RFT1: variants seen among roughly 807,000 people sequenced by gnomAD.
The protein encoded by RFT1 is man(5)GlcNAc(2)-PP-dolichol translocation protein RFT1.
Under a neutral mutation model 62.2 loss-of-function variants are expected in RFT1, and 43 were observed. The observed-to-expected ratio is 0.69, with a 90% CI of 0.54 to 0.89. The LOEUF (loss-of-function observed/expected upper bound fraction) is 0.89. RFT1 is among the 40% of genes least tolerant of loss of function. The pLI is 0.00. For synonymous variants in RFT1, 262 were observed against 264.6 expected, an observed-to-expected ratio of 0.99 and a Z score of 0.10; for missense variants, 605 against 649.9, an observed-to-expected ratio of 0.93 and a Z score of 0.75.
At chr3:53,092,860 C>T (rs1217039018) in intron 11 of RFT1, among the ~76,000 whole-genome samples, 6 of 152,130 alleles carry the variant, frequency 3.9e-5, no homozygotes, top group Non-Finnish European at 8.8e-5. Flanking sequence ...GTTAGTTAAG[C>T]GATACTTTGT....
chr3:53,098,170 C>G (rs1239539644), intron 11 of RFT1, among the ~76,000 whole-genome samples: 3 of 152,228 alleles, frequency 2.0e-5, no homozygotes, highest in Non-Finnish European at 1.5e-5. Context: ...TCTGGGCCAG[C>G]AGTTTCCAAA....
At chr3:53,129,946 A>G (rs888414048) in intron 1 of RFT1, among the ~76,000 whole-genome samples, 1 of 152,192 alleles carries the variant, frequency 6.6e-6, no homozygotes, top group East Asian at 1.9e-4. Context: ...GACTCTCGGA[A>G]CTCAGTGGGA....
At chr3:53,110,826 A>C (rs1575493605) in intron 7 of RFT1, among the ~76,000 whole-genome samples, 1 of 152,218 alleles carries the variant, frequency 6.6e-6, no homozygotes, top group Non-Finnish European at 1.5e-5. Context: ...ATATATATGA[A>C]GAGAGAAACT....
chr3:53,109,648 A>C (rs1341734902), intron 7 of RFT1, among the ~76,000 whole-genome samples: 1 of 152,066 alleles, frequency 6.6e-6, no homozygotes, highest in Non-Finnish European at 1.5e-5. Context: ...TGTCTCTACA[A>C]AAAAATTAAA....
the RFT1 span, among the ~76,000 whole-genome samples, chr3:53,076,103 C>T: frequency 6.6e-6 from 1 of 152,330 alleles, no homozygotes; most frequent in African/African-American, 2.4e-5. Flanking sequence ...AGGCCCCTGC[C>T]CCACACTGCA....
At chr3:53,126,061 G>T in intron 1 of RFT1, 67 bp from the exon 2 acceptor site, 1 of 1,265,818 alleles carries the variant, frequency 7.9e-7, no homozygotes, top group Non-Finnish European at 1.1e-6. Flanking sequence ...GCTGAAATGA[G>T]AACAATGTGG....
intron 11 of RFT1, among the ~76,000 whole-genome samples, chr3:53,093,791 C>T (rs1022629579): frequency 4.6e-5 from 7 of 152,190 alleles, no homozygotes; most frequent in African/African-American, 1.4e-4. Flanking sequence ...GAGGTTGAAG[C>T]GGGAGGATCG....
chr3:53,109,289 C>T (rs1199296163), intron 7 of RFT1, among the ~76,000 whole-genome samples: 3 of 152,166 alleles, frequency 2.0e-5, no homozygotes, highest in Non-Finnish European at 2.9e-5. Context: ...TCAGTCACCT[C>T]TATGACCCTG....
At chr3:53,110,071 T>C (rs546277535) in intron 7 of RFT1, among the ~76,000 whole-genome samples, 1 of 152,244 alleles carries the variant, frequency 6.6e-6, no homozygotes, top group South Asian at 2.1e-4. Context: ...TGCAGTAAAC[T>C]TAAACCAGCT....
chr3:53,073,269 G>GTT, the RFT1 span, among the ~76,000 whole-genome samples: 2 of 152,368 alleles, frequency 1.3e-5, no homozygotes, highest in East Asian at 1.9e-4. Context: ...CCCCGTTACA[G>GTT]CCTCTGCCGT....
chr3:53,121,663 A>C (rs751827663), intron 5 of RFT1, 36 bp downstream of exon 5: 2 of 1,503,626 alleles, frequency 1.3e-6, no homozygotes, highest in Non-Finnish European at 1.8e-6. Context: ...TGGAGAAACA[A>C]AGATCATATA....
the RFT1 span, among the ~76,000 whole-genome samples, chr3:53,082,651 T>C: frequency 3.9e-5 from 6 of 152,098 alleles, no homozygotes; most frequent in Admixed American, 1.3e-4. Flanking sequence ...CTGTAGCCCA[T>C]AGATAATAGA....
At chr3:53,070,742 A>G in the RFT1 span, among the ~76,000 whole-genome samples, 4 of 151,680 alleles carry the variant, frequency 2.6e-5, no homozygotes, top group African/African-American at 9.7e-5. Context: ...AATAATTTTA[A>G]AAGTTTTTTT....
chr3:53,105,867 T>A, intron 8 of RFT1, 64 bp from the exon 9 acceptor site: 1 of 1,321,230 alleles, frequency 7.6e-7, no homozygotes, highest in Non-Finnish European at 1.0e-6. Context: ...TTTATAGCAC[T>A]ATTAAAATTA....
chr3:53,117,079 A>G (rs927728889), intron 6 of RFT1, among the ~76,000 whole-genome samples: 17 of 152,220 alleles, frequency 1.1e-4, no homozygotes, highest in Admixed American at 5.2e-4. Flanking sequence ...AAGTGGGTCC[A>G]AAACCAGCTA....
chr3:53,115,057 A>G (rs1701754134), intron 6 of RFT1, among the ~76,000 whole-genome samples: 1 of 151,962 alleles, frequency 6.6e-6, no homozygotes, highest in Admixed American at 6.6e-5. Flanking sequence ...AGCTTTATCC[A>G]TCCTCCCACT....
At chr3:53,113,062 T>C (rs758739915) in intron 6 of RFT1, among the ~76,000 whole-genome samples, 2 of 152,152 alleles carry the variant, frequency 1.3e-5, no homozygotes, top group African/African-American at 4.8e-5. Context: ...ATCACCCAGG[T>C]TGGAATGCAG....
At chr3:53,072,586 C>G in the RFT1 span, among the ~76,000 whole-genome samples, 4 of 152,220 alleles carry the variant, frequency 2.6e-5, no homozygotes, top group Non-Finnish European at 5.9e-5. Context: ...ACTTGTCACT[C>G]TCTGCCAATG....
chr3:53,105,913 T>A (rs143613298), intron 8 of RFT1, 110 bp from the exon 9 acceptor site: 189 of 1,064,706 alleles, frequency 1.8e-4, no homozygotes, highest in Non-Finnish European at 2.4e-4. Context: ...TATCTTGAGA[T>A]AATTATAGAT....
Sources: gnomAD v4.1 joint callset for allele counts (sites outside exome capture counted in the v4.1 genomes callset) on GRCh38, gnomAD v4.1.1 for gene constraint, MANE v1.5 for transcripts, NCBI Gene and HGNC (gene_info 2026-07-23, HGNC 2026-07-21) for gene names.